MAPK8IP3: variants seen among roughly 807,000 people sequenced by gnomAD.
The protein encoded by MAPK8IP3 is mitogen-activated protein kinase 8 interacting protein 3.
Under a neutral mutation model 157.8 loss-of-function variants are expected in MAPK8IP3, and 49 were observed. That is an observed-to-expected ratio of 0.31 (90% CI 0.25 to 0.39). The LOEUF is 0.39. Among genes scored for constraint, MAPK8IP3 ranks in the 10% least tolerant of loss-of-function variants. The pLI is 1.00. For synonymous variants in MAPK8IP3, 897 were observed against 777.7 expected, an observed-to-expected ratio of 1.15 and a Z score of -2.55; for missense variants, 1,478 against 1,889.4, an observed-to-expected ratio of 0.78 and a Z score of 4.04.
At chr16:1,757,320 G>A (rs1161978167) in intron 8 of MAPK8IP3, among the ~76,000 whole-genome samples, 3 of 152,140 alleles carry the variant, frequency 2.0e-5, no homozygotes, top group African/African-American at 7.2e-5. Flanking sequence ...TAGCCAGGAT[G>A]GTCTCAATCT....
intron 1 of MAPK8IP3, among the ~76,000 whole-genome samples, chr16:1,712,309 T>C (rs1194151671): frequency 6.6e-6 from 1 of 151,834 alleles, no homozygotes; most frequent in Non-Finnish European, 1.5e-5. Context: ...GATCCACCCA[T>C]CTCGGCCTCC....
chr16:1,760,452 GA>G lies in MAPK8IP3; in HGVS notation c.1378del (p.Arg460GlyfsTer25). ...AGCTGTCCGGGGAGCAGGAGGTGCT[GA>G]GGGGCGAGTTGGAGGCTGCTAAGCA... ...DQLSGEQEVL[R>X]GELEAAKQAK... On this transcript the variant is annotated frameshift_variant, in exon 12 of 32. Transcript: ENST00000610761. LOFTEE classifies it high-confidence loss of function. 6.2e-7 allele frequency: 1 copy of G among 1,614,042 alleles called. No homozygotes were observed. The highest frequency in any genetic ancestry group is 8.5e-7 in the Non-Finnish European group (1 of 1,179,956).
At chr16:1,765,875 T>G in intron 20 of MAPK8IP3, 85 bp from the exon 21 acceptor site, 2 of 1,298,056 alleles carry the variant, frequency 1.5e-6, no homozygotes, top group Non-Finnish European at 2.1e-6. Flanking sequence ...CAGCCCCGGC[T>G]TCCTCTGCCC....
At chr16:1,729,615 G>A (rs961382342) in intron 4 of MAPK8IP3, 37 bp downstream of exon 4, 6 of 1,541,234 alleles carry the variant, frequency 3.9e-6, no homozygotes, top group Non-Finnish European at 5.3e-6. Flanking sequence ...TACGCGGGGC[G>A]CGGCGGGGCG....
At chr16:1,744,124 C>T (rs1368921324) in intron 5 of MAPK8IP3, 1 of 985,710 alleles carries the variant, frequency 1.0e-6, no homozygotes, top group Non-Finnish European at 1.2e-6. Flanking sequence ...AGCCAGGCCA[C>T]TCCTTCAGGG....
intron 10 of MAPK8IP3, 113 bp downstream of exon 10, chr16:1,759,108 G>A: frequency 1.4e-6 from 2 of 1,407,778 alleles, no homozygotes; most frequent in Non-Finnish European, 2.0e-6. Flanking sequence ...GGGGCCGCCG[G>A]GGTCAGGGGG....
chr16:1,717,425 G>A (rs115569302), intron 1 of MAPK8IP3, among the ~76,000 whole-genome samples: 2 of 152,080 alleles, frequency 1.3e-5, no homozygotes, highest in African/African-American at 2.4e-5. Flanking sequence ...TTCGTGTCTC[G>A]ACTGAGGAAC....
At chr16:1,723,430 G>C (rs138693056) in intron 1 of MAPK8IP3, among the ~76,000 whole-genome samples, 1 of 152,004 alleles carries the variant, frequency 6.6e-6, no homozygotes, top group Non-Finnish European at 1.5e-5. Context: ...GGCTCACAGC[G>C]TGAGCCACTG....
chr16:1,763,034 G>T (rs1027472138), intron 16 of MAPK8IP3, 28 bp downstream of exon 16: 1 of 1,611,372 alleles, frequency 6.2e-7, no homozygotes, highest in Non-Finnish European at 8.5e-7. Flanking sequence ...CCCACTTGTG[G>T]CCTGCAATGG....
At chr16:1,744,651 G>C (rs2040859173) in intron 5 of MAPK8IP3, 1 of 985,412 alleles carries the variant, frequency 1.0e-6, no homozygotes, top group African/African-American at 1.7e-5. Flanking sequence ...GGCATCTGAA[G>C]ACACGTCAGC....
Position 1,706,397 on chromosome 16 carries a change from T to C in MAPK8IP3, c.58T>C (p.Cys20Arg). 6.2e-7 allele frequency: 1 copy of C among 1,613,226 alleles called. No homozygotes were observed. Residue 20 changes from cysteine (C) to arginine (R), a missense_variant, in exon 1 of 32, where the codon TGC becomes CGC. Physicochemically the swap from Cys to Arg is radical, Grantham distance 180 (BLOSUM62 -3). Coordinates refer to ENST00000610761, the MANE Select transcript of MAPK8IP3 (RefSeq NM_001318852.2). The surrounding 1 kb of genome is among the most constrained non-coding windows in gnomAD (Gnocchi z 5.1). ...CGTGGTGGTGTACCAGGACGACTAC[T>C]GCTCCGGCTCGGTGATGTCGGAGCG... Reference protein sequence around the residue: ...GGVVVYQDDYCSGSVMSERVS... With the variant: ...GGVVVYQDDYRSGSVMSERVS...
At chr16:1,754,677 A>G (rs2141891707) in intron 8 of MAPK8IP3, among the ~76,000 whole-genome samples, 1 of 152,100 alleles carries the variant, frequency 6.6e-6, no homozygotes, top group Admixed American at 6.6e-5. Context: ...AGGCTGAGAC[A>G]GGAGAATCAC....
In MAPK8IP3 at chr16:1,748,337, C is replaced by G. The variant is rs1567184096; in HGVS notation, c.1088C>G (p.Thr363Arg). Residue 363 changes from threonine to arginine, a missense_variant, in exon 7 of 32, where the codon ACA becomes AGA. This residue lies in a region of MAPK8IP3 where 315 missense variants were observed against 394.4 expected (regional missense o/e 0.80). Transcript: ENST00000610761. ...DMCPETRLDRTGSSPTQGIVN... is the reference protein window; with the variant it reads ...DMCPETRLDRRGSSPTQGIVN... ...TGTCCAGAGACCCGCCTGGACCGCACAGGAAGCAGGTACTGGCTCAGCCCA... is the reference window on the plus strand; with the variant it reads ...TGTCCAGAGACCCGCCTGGACCGCAGAGGAAGCAGGTACTGGCTCAGCCCA... 1 of 1,613,508 alleles carries G rather than the reference C, an allele frequency of 6.2e-7. No individual in the cohort carries two copies. The highest frequency in any genetic ancestry group is 1.1e-5 in the South Asian group (1 of 91,080).
At chr16:1,714,628 C>T (rs370552363) in intron 1 of MAPK8IP3, among the ~76,000 whole-genome samples, 123 of 152,330 alleles carry the variant, frequency 8.1e-4, no homozygotes, top group African/African-American at 2.9e-3. Context: ...AACCTTTCCT[C>T]AGCCAGCCTG....
chr16:1,732,904 C>T (rs1043732223), intron 4 of MAPK8IP3, among the ~76,000 whole-genome samples: 1 of 152,236 alleles, frequency 6.6e-6, no homozygotes, highest in Non-Finnish European at 1.5e-5. Flanking sequence ...TACACCGGGG[C>T]GTGTGGATGC....
chr16:1,758,102 T>C, intron 8 of MAPK8IP3, 46 bp from the exon 9 acceptor site: 1 of 1,610,174 alleles, frequency 6.2e-7, no homozygotes, highest in Non-Finnish European at 8.5e-7. Flanking sequence ...AATTGACCTT[T>C]GTCCCTTCCT....
chr16:1,749,714 C>T (rs1001704946), intron 8 of MAPK8IP3, among the ~76,000 whole-genome samples: 3 of 152,222 alleles, frequency 2.0e-5, no homozygotes, highest in African/African-American at 7.2e-5. Flanking sequence ...TTCGCCATGG[C>T]CTTGCTTCCC....
chr16:1,723,147 C>T (rs1376603433), intron 1 of MAPK8IP3, among the ~76,000 whole-genome samples: 1 of 152,076 alleles, frequency 6.6e-6, no homozygotes, highest in Non-Finnish European at 1.5e-5. Context: ...CGATTCTCCG[C>T]CTCAGCCTCC....
chr16:1,763,987 G>A, intron 17 of MAPK8IP3, 128 bp from the exon 18 acceptor site: 1 of 1,086,104 alleles, frequency 9.2e-7, no homozygotes, highest in Non-Finnish European at 1.3e-6. Context: ...CGGCTCCCAC[G>A]CCCCCACCTG....
Sources: gnomAD v4.1 joint callset for allele counts (sites outside exome capture counted in the v4.1 genomes callset) on GRCh38, gnomAD v4.1.1 for gene constraint, gnomAD v4.1.1 regional missense constraint, Gnocchi (gnomAD v3.1) non-coding constraint, MANE v1.5 for transcripts, NCBI Gene and HGNC (gene_info 2026-07-23, HGNC 2026-07-21) for gene names.